The following CTNNA3 variants were observed in gnomAD, a reference collection of about 807,000 sequenced individuals.
CTNNA3 encodes catenin alpha 3, also known as catenin alpha-3.
Under a neutral mutation model 95.7 loss-of-function variants are expected in CTNNA3, and 76 were observed. That is an observed-to-expected ratio of 0.79 (90% confidence interval 0.66 to 0.96). CTNNA3 has a LOEUF of 0.96. Ranked by LOEUF, CTNNA3 falls within the 40% of genes least tolerant of loss-of-function variation. The probability of loss-of-function intolerance (pLI) is 0.00; values close to 1 mark genes in which losing one functional copy is unlikely to be tolerated. For synonymous variants in CTNNA3, 431 were observed against 374.4 expected (o/e 1.15, Z -1.74); for missense variants, 1,191 against 1,089.8 (o/e 1.09, Z -1.31).
At chr10:66,024,148 GGCACAA>G (rs2079288276) in intron 15 of CTNNA3, among the ~76,000 whole-genome samples, 1 of 137,936 alleles carries the variant, frequency 7.2e-6, no homozygotes, top group East Asian at 2.2e-4. Context: ...GGAGTGCAGC[GGCACAA>G]TCTGGGCTCA....
At chr10:66,784,717 T>C (rs1482434408) in intron 7 of CTNNA3, among the ~76,000 whole-genome samples, 1 of 152,174 alleles carries the variant, frequency 6.6e-6, no homozygotes, top group Admixed American at 6.6e-5. Flanking sequence ...AACCACTACT[T>C]GGCTCTGAAT....
At chr10:67,132,141 G>C (rs1206691394) in intron 7 of CTNNA3, among the ~76,000 whole-genome samples, 1 of 152,038 alleles carries the variant, frequency 6.6e-6, no homozygotes, top group Non-Finnish European at 1.5e-5. Flanking sequence ...AGGCCAATAG[G>C]ATACAGCATT....
chr10:67,503,977 G>GA (rs770642200), intron 5 of CTNNA3, among the ~76,000 whole-genome samples: 9 of 151,680 alleles, frequency 5.9e-5, no homozygotes, highest in Non-Finnish European at 1.2e-4. Context: ...CTAACATGGT[G>GA]AAACCCCGTC....
chr10:67,539,378 C>T, intron 4 of CTNNA3, 125 bp downstream of exon 4: 1 of 997,800 alleles, frequency 1.0e-6, no homozygotes, highest in South Asian at 1.6e-5. Context: ...GTCTAGTCTG[C>T]TTCTGAAGGG....
chr10:67,012,078 C>A (rs1263930461), intron 7 of CTNNA3, among the ~76,000 whole-genome samples: 1 of 152,166 alleles, frequency 6.6e-6, no homozygotes, highest in African/African-American at 2.4e-5. Context: ...ATCACAAGCT[C>A]CGTAGATACA....
At chr10:66,319,980 A>G (rs1451175924) in intron 12 of CTNNA3, among the ~76,000 whole-genome samples, 2 of 152,114 alleles carry the variant, frequency 1.3e-5, no homozygotes, top group Non-Finnish European at 2.9e-5. Flanking sequence ...GTTGATTCAC[A>G]GAATTCATTG....
intron 17 of CTNNA3, among the ~76,000 whole-genome samples, chr10:65,961,042 T>A (rs556675483): frequency 3.9e-5 from 6 of 152,266 alleles, no homozygotes; most frequent in Non-Finnish European, 7.4e-5. Flanking sequence ...CTTTATTCCA[T>A]CAGTTGTAGT....
rs546948825 is a variant in CTNNA3 at position 66,426,790 on chromosome 10, T to A, written c.1532-47438A>T. 5.1e-3 allele frequency among the ~76,000 whole-genome samples: 754 copies of A among 148,358 alleles called. 4 individuals are homozygous for A. The highest frequency in any genetic ancestry group is 0.018 in the African/African-American group (714 of 39,878). ...CATCCCACTCTTCAATTCTATAAAA[T>A]TATCAGCCATATTTCCTCTGTCTTT... On this transcript the variant is annotated intron_variant, in intron 11 of 17. Coordinates refer to ENST00000433211, the MANE Select transcript of CTNNA3 (RefSeq NM_013266.4).
chr10:67,044,936 G>T (rs1564851797), intron 7 of CTNNA3, among the ~76,000 whole-genome samples: 2 of 152,132 alleles, frequency 1.3e-5, no homozygotes. Context: ...ATAACCAGAA[G>T]CTGTGAAAAG....
intron 7 of CTNNA3, among the ~76,000 whole-genome samples, chr10:67,126,619 C>CT (rs1859733760): frequency 6.6e-6 from 1 of 152,172 alleles, no homozygotes; most frequent in Non-Finnish European, 1.5e-5. Flanking sequence ...CAAAGAAAAT[C>CT]TTCATGCCAG....
chr10:66,152,880 C>T (rs2084276483), intron 13 of CTNNA3, among the ~76,000 whole-genome samples: 2 of 151,960 alleles, frequency 1.3e-5, no homozygotes, highest in South Asian at 4.1e-4. Flanking sequence ...AGTAAGTCAT[C>T]GTTCAGTTTG....
Position 67,261,768 on chromosome 10 carries a change from T to C in CTNNA3, c.580-41898A>G, listed in dbSNP as rs555190075. On this transcript the variant is annotated intron_variant, in intron 5 of 17. Transcript: ENST00000433211. ...CTCAAAACTATAGTAGTCAGGATGGTCAGCAAGGGGTAATTGGTCCAGAAA... is the reference window on the plus strand; with the variant it reads ...CTCAAAACTATAGTAGTCAGGATGGCCAGCAAGGGGTAATTGGTCCAGAAA... Among the ~76,000 whole-genome samples, 3 of 152,306 alleles carry C rather than the reference T, an allele frequency of 2.0e-5. No individual in the cohort carries two copies. In the South Asian group the frequency reaches 6.2e-4, roughly 32 times the overall value.
At position 66,071,918 on chromosome 10, in the gene CTNNA3, T is replaced by G. The variant is rs139536845; in HGVS notation, c.1978-2429A>C. ...AAGCTGTGTTATCCCAATTGCCTAT[T>G]AGGCATTTTTAAGCATAGATTTCAT... On this transcript the variant is annotated intron_variant, in intron 14 of 17. Coordinates refer to ENST00000433211, the MANE Select transcript of CTNNA3 (RefSeq NM_013266.4). Among the ~76,000 whole-genome samples the G allele has an allele frequency of 2.6e-3, 390 of 152,286 alleles. 6 individuals carry two copies. The highest frequency in any genetic ancestry group is 9.1e-3 in the African/African-American group (377 of 41,568).
At chr10:66,076,139 TGA>T (rs1442733539) in intron 14 of CTNNA3, among the ~76,000 whole-genome samples, 1 of 151,652 alleles carries the variant, frequency 6.6e-6, no homozygotes, top group Non-Finnish European at 1.5e-5. Flanking sequence ...AGTTCTCTAA[TGA>T]TAACTCATGT....
At chr10:66,917,706 T>C (rs1846569536) in intron 7 of CTNNA3, among the ~76,000 whole-genome samples, 3 of 152,250 alleles carry the variant, frequency 2.0e-5, no homozygotes, top group Admixed American at 2.0e-4. Flanking sequence ...GGAAGTCGAA[T>C]TTTAAAACAC....
At chr10:67,547,537 C>T (rs570384166) in intron 3 of CTNNA3, among the ~76,000 whole-genome samples, 25 of 152,250 alleles carry the variant, frequency 1.6e-4, no homozygotes, top group African/African-American at 6.0e-4. Flanking sequence ...CAGAGTACTA[C>T]AGCTGTTAAT....
chr10:67,086,973 G>A (rs191312996), intron 7 of CTNNA3, among the ~76,000 whole-genome samples: 6 of 152,064 alleles, frequency 3.9e-5, no homozygotes, highest in African/African-American at 1.4e-4. Flanking sequence ...AAAGAAGAAT[G>A]AGATGTTTTC....
chr10:67,721,383 CT>C (rs748520394), intron 1 of CTNNA3, among the ~76,000 whole-genome samples: 12 of 151,746 alleles, frequency 7.9e-5, no homozygotes, highest in Non-Finnish European at 1.6e-4. Context: ...TTAATCTTGT[CT>C]TCACGCTTTA....
At chr10:66,047,253 C>T (rs1361780648) in intron 15 of CTNNA3, among the ~76,000 whole-genome samples, 1 of 152,138 alleles carries the variant, frequency 6.6e-6, no homozygotes, top group Non-Finnish European at 1.5e-5. Context: ...AAACTCAGTT[C>T]AGCAGCATGT....
Sources: gnomAD v4.1 joint callset for allele counts (sites outside exome capture counted in the v4.1 genomes callset) on GRCh38, gnomAD v4.1.1 for gene constraint, MANE v1.5 for transcripts, NCBI Gene and HGNC (gene_info 2026-07-23, HGNC 2026-07-21) for gene names.